Variants in GLIS3 observed in about 807,000 individuals in gnomAD.
The protein encoded by GLIS3 is zinc finger protein GLIS3.
In GLIS3, 53 loss-of-function variants were observed where a neutral mutation model predicts 78.6. That is an observed-to-expected ratio of 0.67 (90% CI 0.54 to 0.85). The LOEUF (loss-of-function observed/expected upper bound fraction) is 0.85. Ranked by LOEUF, GLIS3 falls within the 40% of genes least tolerant of loss-of-function variation. GLIS3 has a pLI of 0.00. For missense variants in GLIS3, 1,703 were observed against 1,231.1 expected (o/e 1.38, Z -5.74); for synonymous variants, 684 against 509.9 (o/e 1.34, Z -4.60).
intron 4 of GLIS3, among the ~76,000 whole-genome samples, chr9:3,975,779 T>A (rs1303391439): frequency 6.6e-6 from 1 of 152,114 alleles, no homozygotes; most frequent in Non-Finnish European, 1.5e-5. Context: ...CAAGCTATCA[T>A]CATATAAAGA....
intron 3 of GLIS3, among the ~76,000 whole-genome samples, chr9:4,122,302 C>G (rs499357): frequency 1.3e-5 from 2 of 151,962 alleles, no homozygotes; most frequent in Non-Finnish European, 2.9e-5. Context: ...ATGAAAAAGA[C>G]GGCCAGTCCT....
At chr9:3,998,645 T>G (rs1337702459) in intron 4 of GLIS3, among the ~76,000 whole-genome samples, 1 of 151,606 alleles carries the variant, frequency 6.6e-6, no homozygotes, top group African/African-American at 2.4e-5. Flanking sequence ...ATTAATTAAT[T>G]GCTCTGTGGC....
At chr9:4,293,861 G>A (rs1326933815) in intron 1 of GLIS3, among the ~76,000 whole-genome samples, 3 of 152,202 alleles carry the variant, frequency 2.0e-5, no homozygotes, top group Admixed American at 1.3e-4. Flanking sequence ...CTTGTTCCTG[G>A]CTTTGAAGAG....
chr9:4,162,652 C>G (rs182128133), intron 2 of GLIS3, among the ~76,000 whole-genome samples: 2 of 151,910 alleles, frequency 1.3e-5, no homozygotes, highest in Admixed American at 1.3e-4. Flanking sequence ...GAGGTCAGAT[C>G]GAGACCATCC....
intron 2 of GLIS3, among the ~76,000 whole-genome samples, chr9:4,272,854 G>A (rs1286442887): frequency 6.6e-6 from 1 of 152,144 alleles, no homozygotes; most frequent in South Asian, 2.1e-4. Context: ...GTTCAGCCAG[G>A]ATAGTCCTAT....
intron 2 of GLIS3, among the ~76,000 whole-genome samples, chr9:4,239,090 T>C (rs966006086): frequency 6.7e-5 from 10 of 148,614 alleles, no homozygotes; most frequent in African/African-American, 2.5e-4. Flanking sequence ...TCTATCATTG[T>C]TGGACATTTG....
At chr9:4,341,801 C>T (rs185692182) in intron 2 of GLIS3, among the ~76,000 whole-genome samples, 1 of 152,304 alleles carries the variant, frequency 6.6e-6, no homozygotes, top group Admixed American at 6.5e-5. Flanking sequence ...AATGGGATCT[C>T]CGCTTTTTTT....
At chr9:4,240,815 A>T (rs959857198) in intron 2 of GLIS3, among the ~76,000 whole-genome samples, 5 of 152,150 alleles carry the variant, frequency 3.3e-5, no homozygotes, top group African/African-American at 1.2e-4. Context: ...ATATAAGTTT[A>T]CCTGTGTAAC....
intron 2 of GLIS3, among the ~76,000 whole-genome samples, chr9:4,231,964 C>G (rs1341935990): frequency 6.6e-6 from 1 of 152,186 alleles, no homozygotes; most frequent in Admixed American, 6.6e-5. Context: ...TTTGCCCAAC[C>G]AATACTTTTT....
chr9:4,166,544 G>A (rs1251132555), intron 2 of GLIS3, among the ~76,000 whole-genome samples: 1 of 152,244 alleles, frequency 6.6e-6, no homozygotes, highest in Non-Finnish European at 1.5e-5. Flanking sequence ...AATGATATAA[G>A]TTCAAGTGCT....
intron 4 of GLIS3, among the ~76,000 whole-genome samples, chr9:4,031,666 G>A (rs1026402608): frequency 2.0e-5 from 3 of 152,016 alleles, no homozygotes; most frequent in Admixed American, 6.6e-5. Context: ...TTAAAATGTC[G>A]AGAAAGATAA....
In GLIS3 at chr9:4,118,476, C is replaced by G; in HGVS notation, c.1002G>C (p.Ser334=). The G allele has an allele frequency of 6.2e-7, 1 of 1,614,004 alleles. No individual in the cohort carries two copies. Among genetic ancestry groups the G allele is most frequent in the Non-Finnish European group, 8.5e-7 (1 of 1,180,008 alleles). ...GGGACAGGTTGGCCGGCGAAGCCCT[C>G]GACCCGTTGATGTAGGCCACCAAGG... is the stretch of plus-strand genomic sequence containing the variant. ...PTSLVAYING[S]RASPANLSPQ... Residue 334 remains serine, a synonymous_variant, in exon 4 of 11, where the codon TCG becomes TCC. Transcript: ENST00000381971. The surrounding 1 kb of genome is among the most constrained non-coding windows in gnomAD (Gnocchi z 4.7).
chr9:4,089,389 T>C (rs1358533794), intron 4 of GLIS3, among the ~76,000 whole-genome samples: 1 of 152,184 alleles, frequency 6.6e-6, no homozygotes, highest in African/African-American at 2.4e-5. Context: ...AATGTATATG[T>C]GTGTGTATGT....
At chr9:3,911,431 C>T (rs966405209) in intron 6 of GLIS3, among the ~76,000 whole-genome samples, 4 of 152,196 alleles carry the variant, frequency 2.6e-5, no homozygotes, top group African/African-American at 7.2e-5. Flanking sequence ...CGGCTGGCTA[C>T]CATGTACCCT....
At chr9:3,962,279 C>G (rs1416594503) in intron 4 of GLIS3, among the ~76,000 whole-genome samples, 2 of 150,980 alleles carry the variant, frequency 1.3e-5, no homozygotes, top group Admixed American at 6.6e-5. Flanking sequence ...TTCTTTTCTT[C>G]CTAAAAAGAT....
intron 4 of GLIS3, among the ~76,000 whole-genome samples, chr9:4,080,684 G>T (rs893368342): frequency 1.1e-4 from 17 of 151,846 alleles, no homozygotes; most frequent in African/African-American, 4.1e-4. Context: ...ACTAATCCTG[G>T]CCCTGAGTAG....
chr9:4,407,108 G>A, the GLIS3 span, among the ~76,000 whole-genome samples: 656 of 152,208 alleles, frequency 4.3e-3, 4 homozygotes, highest in African/African-American at 0.015. Flanking sequence ...ATAGACCAAT[G>A]GAACAGAATG....
the GLIS3 span, among the ~76,000 whole-genome samples, chr9:4,391,665 A>C: frequency 3.8e-3 from 572 of 152,220 alleles, 4 homozygotes; most frequent in African/African-American, 0.013. Flanking sequence ...ATATTTTAAA[A>C]ATCTCGATTA....
intron 4 of GLIS3, among the ~76,000 whole-genome samples, chr9:3,942,224 G>A (rs561399138): frequency 7.6e-4 from 116 of 152,292 alleles, no homozygotes; most frequent in African/African-American, 2.6e-3. Flanking sequence ...TGCCAGACAT[G>A]CTTTTTAAAA....
Sources: allele counts gnomAD v4.1 joint callset (sites outside exome capture counted in the v4.1 genomes callset), GRCh38; gene constraint gnomAD v4.1.1; non-coding constraint Gnocchi (gnomAD v3.1); transcripts MANE v1.5; gene names NCBI Gene and HGNC (gene_info 2026-07-23, HGNC 2026-07-21).